Variants in KASH5 observed in about 807,000 individuals in gnomAD.
The protein encoded by KASH5 is KASH domain containing 5, also known as protein KASH5.
Under a neutral mutation model 84.2 loss-of-function variants are expected in KASH5, and 72 were observed. The ratio of observed to expected loss-of-function variants is 0.85; its 90% confidence interval spans 0.71 to 1.04. The LOEUF (loss-of-function observed/expected upper bound fraction) is 1.04, where lower values mean the gene tolerates loss of function less well. Among genes scored for constraint, KASH5 ranks in the 50% least tolerant of loss-of-function variants. The pLI is 0.00. For synonymous variants in KASH5, 260 were observed against 279.1 expected, an observed-to-expected ratio of 0.93 and a Z score of 0.68; for missense variants, 650 against 701.0, an observed-to-expected ratio of 0.93 and a Z score of 0.82.
At chr19:49,394,092 C>G (rs74708860) in intron 2 of KASH5, among the ~76,000 whole-genome samples, 2,214 of 152,162 alleles carry the variant, frequency 0.015, 30 homozygotes, top group Non-Finnish European at 0.023. Flanking sequence ...GCTCCTGGGC[C>G]CCCCCTTCAC....
At chr19:49,405,834 T>TGGC (rs1974507486) in intron 9 of KASH5, among the ~76,000 whole-genome samples, 1 of 151,444 alleles carries the variant, frequency 6.6e-6, no homozygotes. Context: ...CACATGCCTG[T>TGGC]AATCCCAGCT....
At chr19:49,391,591 A>T (rs1243815207) in intron 2 of KASH5, 1 of 152,206 alleles carries the variant, frequency 6.6e-6, no homozygotes, top group Non-Finnish European at 1.5e-5. Flanking sequence ...TAAAAAATGT[A>T]TCCAGATAAT....
chr19:49,390,539 G>A (rs80029686), intron 1 of KASH5, among the ~76,000 whole-genome samples: 5,234 of 152,182 alleles, frequency 0.034, 283 homozygotes, highest in African/African-American at 0.12. Flanking sequence ...CTGGACCGGC[G>A]GCAAGCCATG....
chr19:49,408,649 C>G (rs1326802098), intron 12 of KASH5, among the ~76,000 whole-genome samples: 1 of 152,094 alleles, frequency 6.6e-6, no homozygotes, highest in African/African-American at 2.4e-5. Context: ...ATGGTTTCAC[C>G]CTGTCAGCCA....
intron 14 of KASH5, 39 bp downstream of exon 14, chr19:49,409,322 A>G (rs775221126): frequency 6.3e-7 from 1 of 1,593,912 alleles, no homozygotes; most frequent in Admixed American, 1.7e-5. Flanking sequence ...CAGGCCACCA[A>G]GGCAGAATCT....
In KASH5 at chr19:49,417,857, T is replaced by C. The variant is rs983732603; in HGVS notation, c.*347T>C. The C allele has an allele frequency of 2.7e-5, 7 of 255,782 alleles. No individual in the cohort carries two copies. Among genetic ancestry groups the C allele is most frequent in the African/African-American group, 1.1e-4 (5 of 45,126 alleles). 15.8% of individuals were successfully genotyped at this position (255,782 alleles called of 1,614,324 possible). ...CCTCATGCTCAGGAGTTGGCAGTTG[T>C]AGCTTCCTACATCACATCTGCGGGA... On this transcript the variant is annotated 3_prime_UTR_variant, in exon 20 of 20. Coordinates refer to ENST00000447857, the MANE Select transcript of KASH5 (RefSeq NM_144688.5). This position sits in a 1 kb window ranked among gnomAD's most constrained non-coding sequence, Gnocchi z 5.2.
chr19:49,393,432 G>C (rs956777730), intron 2 of KASH5: 2 of 152,270 alleles, frequency 1.3e-5, no homozygotes, highest in African/African-American at 2.4e-5. Context: ...GCCACCACTT[G>C]TCTGAGGCCA....
At chr19:49,398,351 G>T (rs1974253099) in intron 7 of KASH5, among the ~76,000 whole-genome samples, 2 of 151,296 alleles carry the variant, frequency 1.3e-5, no homozygotes, top group African/African-American at 4.9e-5. Flanking sequence ...TTCCCTTGAG[G>T]GTTCAGACTT....
At position 49,416,817 on chromosome 19, in the gene KASH5, C is replaced by T. The variant is rs534569337; in HGVS notation, c.1375-198C>T. 1.1e-4 allele frequency among the ~76,000 whole-genome samples: 16 copies of T among 141,516 alleles called. No homozygotes were observed. The highest frequency in any genetic ancestry group is 6.2e-4 in the South Asian group (3 of 4,818). 92.8% of individuals were successfully genotyped at this position (141,516 alleles called of 152,430 possible). A position where few individuals can be genotyped will look rare whatever the true frequency, so the allele number is the denominator to read the frequency against. ...GCCAGCAGATGGGGAAAGAGCGGCA[C>T]GGAGAGGTGTGGTGACATGCCAAGG... On this transcript the variant is annotated intron_variant, in intron 17 of 19. Coordinates refer to ENST00000447857, the MANE Select transcript of KASH5 (RefSeq NM_144688.5). The surrounding 1 kb of genome is among the most constrained non-coding windows in gnomAD (Gnocchi z 5.4).
At chr19:49,403,686 A>G (rs555478049) in intron 9 of KASH5, among the ~76,000 whole-genome samples, 1 of 151,366 alleles carries the variant, frequency 6.6e-6, no homozygotes, top group Admixed American at 6.6e-5. Flanking sequence ...TCAGACAGAG[A>G]GAGTAGATCC....
Position 49,417,130 on chromosome 19 carries a change from A to C in KASH5, c.1440-29A>C. 6.2e-7 allele frequency: 1 copy of C among 1,611,226 alleles called. No homozygotes were observed. Among genetic ancestry groups the C allele is most frequent in the South Asian group, 1.1e-5 (1 of 90,414 alleles). On this transcript the variant is annotated intron_variant, in intron 18 of 19. Transcript: ENST00000447857. This position sits in a 1 kb window ranked among gnomAD's most constrained non-coding sequence, Gnocchi z 5.2. ...GGGACACTGGGGCAAGGAAAAACCCAGTGGTGATTCCCTCCTTCACCCCAG... is the reference window on the plus strand; with the variant it reads ...GGGACACTGGGGCAAGGAAAAACCCCGTGGTGATTCCCTCCTTCACCCCAG...
chr19:49,410,921 C>CT (rs1014279829), intron 15 of KASH5, among the ~76,000 whole-genome samples: 154 of 143,876 alleles, frequency 1.1e-3, no homozygotes, highest in East Asian at 7.5e-3. Context: ...CTGCACCTGG[C>CT]TTTTTTTTTT....
chr19:49,399,396 G>A lies in KASH5; in HGVS notation c.748-61G>A. 1 of 1,520,442 alleles carries A rather than the reference G, an allele frequency of 6.6e-7. No homozygotes were observed. The highest frequency in any genetic ancestry group is 9.0e-7 in the Non-Finnish European group (1 of 1,111,402). The allele number at this position is 1,520,442 out of a possible 1,614,324, so 94.2% of individuals were successfully genotyped here. Reference sequence around the variant, plus strand: ...GTTGTGTTTTCAGGGGTGGGAGAAGGGCAACATGGGGGCAAGGAGGCTAGA... The same window carrying A: ...GTTGTGTTTTCAGGGGTGGGAGAAGAGCAACATGGGGGCAAGGAGGCTAGA... On this transcript the variant is annotated intron_variant, in intron 8 of 19. Transcript: ENST00000447857. The surrounding 1 kb of genome is among the most constrained non-coding windows in gnomAD (Gnocchi z 4.4).
At chr19:49,393,974 T>G in intron 2 of KASH5, among the ~76,000 whole-genome samples, 1 of 152,126 alleles carries the variant, frequency 6.6e-6, no homozygotes, top group East Asian at 1.9e-4. Context: ...ACCCTTGCCT[T>G]AGGGATGCAG....
intron 1 of KASH5, chr19:49,390,220 G>A (rs1973957786): frequency 6.6e-6 from 1 of 152,370 alleles, no homozygotes; most frequent in Non-Finnish European, 1.5e-5. Context: ...TCGCTTCCCG[G>A]AAGAGGCCAC....
chr19:49,395,252 G>A lies in KASH5; in HGVS notation c.295G>A (p.Val99Ile). The change falls in exon 4 of 20, where the codon GTT becomes ATT. Residue 99 changes from valine (V) to isoleucine (I), a missense_variant. Coordinates refer to ENST00000447857, the MANE Select transcript of KASH5 (RefSeq NM_144688.5). The surrounding 1 kb of genome is among the most constrained non-coding windows in gnomAD (Gnocchi z 4.4). The part of the protein sequence containing the change: ...KATVDLDTFL[V>I]VMRDWIAACQ... ...CACTGTGGACTTGGACACTTTCCTG[G>A]TTGTCATGCGTGACTGGATTGCTGC... 6.2e-7 allele frequency: 1 copy of A among 1,613,238 alleles called. No homozygotes were observed. The highest frequency in any genetic ancestry group is 8.5e-7 in the Non-Finnish European group (1 of 1,179,606).
At position 49,395,021 on chromosome 19, in the gene KASH5, T is replaced by G; in HGVS notation, c.149-85T>G. The G allele has an allele frequency of 9.2e-7, 1 of 1,082,182 alleles. No individual in the cohort carries two copies. The highest frequency in any genetic ancestry group is 1.3e-6 in the Non-Finnish European group (1 of 769,796). The allele number at this position is 1,082,182 out of a possible 1,614,324, so 67.0% of individuals were successfully genotyped here. The stretch of plus-strand genomic sequence containing the variant: ...GCAGGAGTGCCACCAGCCTAGCCAG[T>G]GACATCCTGGTCCCAAGCTGCTGCC... On this transcript the variant is annotated intron_variant, in intron 3 of 19. Transcript: ENST00000447857. This position sits in a 1 kb window ranked among gnomAD's most constrained non-coding sequence, Gnocchi z 4.4.
chr19:49,409,224 G>A lies in KASH5; in HGVS notation c.1087G>A (p.Val363Met). 3.1e-6 allele frequency: 5 copies of A among 1,613,966 alleles called. No individual in the cohort carries two copies. Among genetic ancestry groups the A allele is most frequent in the Non-Finnish European group, 4.2e-6 (5 of 1,179,866 alleles). Residue 363 changes from valine to methionine, a missense_variant, in exon 14 of 20, where the codon GTG becomes ATG. Physicochemically the swap from Val to Met is conservative, Grantham distance 21. Coordinates refer to ENST00000447857, the MANE Select transcript of KASH5 (RefSeq NM_144688.5). ...ACCTGAAGGGGCCCAGCTGAGAAGAGTGGGCTGGACCGAGCTGCTACCCCC... is the reference window on the plus strand; with the variant it reads ...ACCTGAAGGGGCCCAGCTGAGAAGAATGGGCTGGACCGAGCTGCTACCCCC... ...ELPEGAQLRR[V>M]GWTELLPPSL...
In KASH5 at chr19:49,412,903, C is replaced by T. The variant is rs1165548698; in HGVS notation, c.1270-65C>T. 6.5e-7 allele frequency: 1 copy of T among 1,529,040 alleles called. No individual in the cohort carries two copies. The highest frequency in any genetic ancestry group is 9.0e-7 in the Non-Finnish European group (1 of 1,112,454). 94.7% of individuals were successfully genotyped at this position (1,529,040 alleles called of 1,614,324 possible). On this transcript the variant is annotated intron_variant, in intron 15 of 19. Transcript: ENST00000447857. The surrounding 1 kb of genome is among the most constrained non-coding windows in gnomAD (Gnocchi z 4.6). ...TGGGACCGGCGGGGGAGACAGTGGG[C>T]ACTGTTAGGGTTGGAGCTTTGAGTG...
Sources: allele counts gnomAD v4.1 joint callset (sites outside exome capture counted in the v4.1 genomes callset), GRCh38; gene constraint gnomAD v4.1.1; non-coding constraint Gnocchi (gnomAD v3.1); transcripts MANE v1.5; gene names NCBI Gene and HGNC (gene_info 2026-07-23, HGNC 2026-07-21).